Variants in PTPRD observed in about 807,000 individuals in gnomAD.
PTPRD encodes the protein protein tyrosine phosphatase receptor type D.
PTPRD carries 34 observed loss-of-function variants against 214.5 expected under a neutral mutation model. That is an observed-to-expected ratio of 0.16 (90% confidence interval 0.12 to 0.21). The LOEUF (loss-of-function observed/expected upper bound fraction) is 0.21, where lower values mean the gene tolerates loss of function less well. PTPRD is among the 10% of genes least tolerant of loss of function. The pLI is 1.00. For synonymous variants in PTPRD, 1,128 were observed against 845.7 expected (o/e 1.33, Z -5.79); for missense variants, 2,545 against 2,398.7 (o/e 1.06, Z -1.27).
At chr9:9,992,550 C>G (rs770495856) in intron 4 of PTPRD, among the ~76,000 whole-genome samples, 7 of 152,144 alleles carry the variant, frequency 4.6e-5, no homozygotes, top group Non-Finnish European at 1.0e-4. Flanking sequence ...GGAACCAACC[C>G]AAATGTCCAT....
rs1467720120 is a variant in PTPRD at position 10,612,982 on chromosome 9, C to A, written c.-1002G>T. 1.3e-5 allele frequency among the ~76,000 whole-genome samples: 2 copies of A among 151,298 alleles called. No homozygotes were observed. Among genetic ancestry groups the A allele is most frequent in the Non-Finnish European group, 3.0e-5 (2 of 67,742 alleles). On this transcript the variant is annotated 5_prime_UTR_variant, in exon 1 of 46. In the 5' UTR this introduces an upstream ATG that the reference lacks. Coordinates refer to ENST00000381196, the MANE Select transcript of PTPRD (RefSeq NM_002839.4). The stretch of plus-strand genomic sequence containing the variant: ...TCGCTCGCTCGCTCGCTGGCGCTCC[C>A]TCCTCGTCTCGCTCGCACTCACAGG...
chr9:8,460,779 G>C lies in PTPRD; in HGVS notation c.3715-208C>G, dbSNP rs1251952820. Among the ~76,000 whole-genome samples, 5 of 151,904 alleles carry C rather than the reference G, an allele frequency of 3.3e-5. No homozygotes were observed. In the East Asian group the frequency reaches 9.7e-4, roughly 29 times the overall value. On this transcript the variant is annotated intron_variant, in intron 32 of 45. Transcript: ENST00000381196. The stretch of plus-strand genomic sequence containing the variant: ...TGTAATACAAATTTCCTTATAGAGT[G>C]AACTATTTTATAATAAAATCATTTT...
At chr9:10,093,465 G>A (rs2098452619) in intron 3 of PTPRD, among the ~76,000 whole-genome samples, 1 of 151,446 alleles carries the variant, frequency 6.6e-6, no homozygotes, top group Admixed American at 6.6e-5. Flanking sequence ...TGGCATGGCA[G>A]CAGAAAAACG....
At chr9:10,429,841 T>C (rs2098660769) in intron 2 of PTPRD, among the ~76,000 whole-genome samples, 1 of 151,910 alleles carries the variant, frequency 6.6e-6, no homozygotes, top group Admixed American at 6.6e-5. Context: ...TTCACAACTG[T>C]AGGAAGTAAG....
At chr9:8,338,850 A>AGAGAGAGAGAGAGAGAGAGG in intron 43 of PTPRD, 72 bp downstream of exon 43, 1 of 1,223,734 alleles carries the variant, frequency 8.2e-7, no homozygotes, top group Non-Finnish European at 1.1e-6. Flanking sequence ...CTTCTCCCAG[A>AGAGAGAGAGAGAGAGAGAGG]GAGAGAGAGA....
intron 5 of PTPRD, among the ~76,000 whole-genome samples, chr9:9,826,028 G>A (rs898188757): frequency 1.3e-5 from 2 of 151,688 alleles, no homozygotes; most frequent in African/African-American, 4.8e-5. Flanking sequence ...AATTATTCAT[G>A]ATCATAATTT....
chr9:10,589,419 T>G (rs549712380), intron 2 of PTPRD, among the ~76,000 whole-genome samples: 1 of 152,120 alleles, frequency 6.6e-6, no homozygotes, highest in Non-Finnish European at 1.5e-5. Flanking sequence ...TTTCACACAT[T>G]TGAGTCCTGT....
intron 3 of PTPRD, among the ~76,000 whole-genome samples, chr9:10,150,874 T>C (rs573855696): frequency 3.9e-5 from 6 of 151,988 alleles, no homozygotes; most frequent in Non-Finnish European, 5.9e-5. Flanking sequence ...TCAATAAAAA[T>C]TTTATAGTAT....
intron 3 of PTPRD, among the ~76,000 whole-genome samples, chr9:10,194,341 TATATAGAGAGAGAGAGAGAGAGAG>T (rs1404716389): frequency 0.022 from 1,285 of 58,882 alleles, 9 homozygotes; most frequent in Middle Eastern, 0.034. Context: ...TATATATATA[TATATAGAGAGAGAGAGAGAGAGAG>T]AGAGAGAGAG....
intron 9 of PTPRD, among the ~76,000 whole-genome samples, chr9:9,254,795 T>C (rs1409042896): frequency 1.3e-5 from 2 of 152,060 alleles, no homozygotes; most frequent in East Asian, 1.9e-4. Flanking sequence ...TCCTTTTACT[T>C]TTTGTTCCTG....
chr9:9,962,381 A>G (rs7470838), intron 4 of PTPRD, among the ~76,000 whole-genome samples: 40,165 of 152,022 alleles, frequency 0.26, 6,268 homozygotes, highest in East Asian at 0.56. Context: ...ACCAACAAAC[A>G]ATTTGATTTC....
intron 14 of PTPRD, among the ~76,000 whole-genome samples, chr9:8,560,466 CACACACATATAT>C (rs1286183760): frequency 2.2e-5 from 3 of 138,970 alleles, no homozygotes; most frequent in Admixed American, 6.9e-5. Context: ...CACACACACA[CACACACATATAT>C]ACACTGTTTC....
At chr9:10,401,254 A>G (rs1444083093) in intron 2 of PTPRD, among the ~76,000 whole-genome samples, 1 of 151,612 alleles carries the variant, frequency 6.6e-6, no homozygotes, top group Non-Finnish European at 1.5e-5. Context: ...TATTTAATAC[A>G]GCAGTAGCAT....
chr9:10,044,467 G>C (rs1589612303), intron 3 of PTPRD, among the ~76,000 whole-genome samples: 1 of 151,704 alleles, frequency 6.6e-6, no homozygotes. Flanking sequence ...TTCATAAAAA[G>C]AGAACAAACA....
chr9:9,526,058 G>A (rs1465363302), intron 8 of PTPRD, among the ~76,000 whole-genome samples: 1 of 152,028 alleles, frequency 6.6e-6, no homozygotes, highest in Non-Finnish European at 1.5e-5. Flanking sequence ...AAAGGATGAA[G>A]TTTAGATTTG....
chr9:10,482,132 G>C (rs2099102027), intron 2 of PTPRD, among the ~76,000 whole-genome samples: 1 of 152,124 alleles, frequency 6.6e-6, no homozygotes, highest in South Asian at 2.1e-4. Flanking sequence ...AGCATTTTGG[G>C]AGGCCCAGGC....
At chr9:9,940,879 G>T (rs777699171) in intron 4 of PTPRD, among the ~76,000 whole-genome samples, 1 of 151,978 alleles carries the variant, frequency 6.6e-6, no homozygotes, top group South Asian at 2.1e-4. Context: ...TGATCTGAAG[G>T]CTTTCTCCAG....
Position 9,779,078 on chromosome 9 carries a change from C to CAAAAAAAAAAAAAAAAAAAAA in PTPRD, c.-367-12248_-367-12228dup, listed in dbSNP as rs869120926. 2.5e-3 allele frequency among the ~76,000 whole-genome samples: 114 copies of CAAAAAAAAAAAAAAAAAAAAA among 45,488 alleles called. 23 individuals are homozygous for CAAAAAAAAAAAAAAAAAAAAA. Among genetic ancestry groups the CAAAAAAAAAAAAAAAAAAAAA allele is most frequent in the East Asian group, 7.7e-3 (12 of 1,564 alleles). 29.8% of individuals were successfully genotyped at this position (45,488 alleles called of 152,430 possible). On this transcript the variant is annotated intron_variant, in intron 5 of 45. Coordinates refer to ENST00000381196, the MANE Select transcript of PTPRD (RefSeq NM_002839.4). The stretch of plus-strand genomic sequence containing the variant: ...GCCATGTGATCTTTCATAAGACTGA[C>CAAAAAAAAAAAAAAAAAAAAA]AAAAAAAAAAAAAAAAAAAAAAAAA...
chr9:8,416,180 G>A (rs989240549), intron 35 of PTPRD, among the ~76,000 whole-genome samples: 1 of 152,008 alleles, frequency 6.6e-6, no homozygotes, highest in Non-Finnish European at 1.5e-5. Context: ...AAAGTGTGAA[G>A]CTATTAAAAT....
Sources: gnomAD v4.1 joint callset for allele counts (sites outside exome capture counted in the v4.1 genomes callset) on GRCh38, gnomAD v4.1.1 for gene constraint, MANE v1.5 for transcripts, NCBI Gene and HGNC (gene_info 2026-07-23, HGNC 2026-07-21) for gene names.